The following RANBP2 variants were observed in gnomAD, a reference collection of about 807,000 sequenced individuals.
RANBP2 encodes the protein E3 SUMO-protein ligase RanBP2.
Under a neutral mutation model 303.6 loss-of-function variants are expected in RANBP2, and 57 were observed. That is an observed-to-expected ratio of 0.19 (90% CI 0.15 to 0.23). The LOEUF (loss-of-function observed/expected upper bound fraction) is 0.23. Ranked by LOEUF, RANBP2 falls within the 10% of genes least tolerant of loss-of-function variation. The pLI, the probability that RANBP2 is intolerant of heterozygous loss-of-function variation, is 1.00. For synonymous variants in RANBP2, 1,167 were observed against 1,301.5 expected (o/e 0.90, Z 2.23); for missense variants, 3,138 against 3,780.8 (o/e 0.83, Z 4.46).
At chr2:109,675,100 CT>C in the RANBP2 span, among the ~76,000 whole-genome samples, 1 of 152,142 alleles carries the variant, frequency 6.6e-6, no homozygotes, top group African/African-American at 2.4e-5. Context: ...TCCCAGTAAG[CT>C]CGACCACAGG....
the RANBP2 span, among the ~76,000 whole-genome samples, chr2:109,233,311 G>A: frequency 2.0e-5 from 3 of 152,196 alleles, no homozygotes; most frequent in African/African-American, 4.8e-5. Context: ...CTCTCAGTGG[G>A]TTGGGGACCT....
At chr2:109,359,846 A>G in the RANBP2 span, among the ~76,000 whole-genome samples, 1 of 152,174 alleles carries the variant, frequency 6.6e-6, no homozygotes, top group African/African-American at 2.4e-5. Context: ...AGATTCCCCC[A>G]TGCAAGCACA....
chr2:109,021,617 G>A, the RANBP2 span, among the ~76,000 whole-genome samples: 3 of 151,942 alleles, frequency 2.0e-5, no homozygotes, highest in Non-Finnish European at 4.4e-5. Context: ...GAGGGGTCTG[G>A]GGAGAAGACG....
chr2:109,031,550 G>C, the RANBP2 span, among the ~76,000 whole-genome samples: 2 of 152,222 alleles, frequency 1.3e-5, no homozygotes, highest in Admixed American at 6.5e-5. Context: ...GCTGCACCGA[G>C]TCCGCGGGTC....
the RANBP2 span, among the ~76,000 whole-genome samples, chr2:109,134,631 G>C: frequency 6.6e-6 from 1 of 152,176 alleles, no homozygotes; most frequent in Non-Finnish European, 1.5e-5. Context: ...GGAAATTAAG[G>C]CTCCAGAATT....
At chr2:109,501,560 A>G in the RANBP2 span, 1 of 779,840 alleles carries the variant, frequency 1.3e-6, no homozygotes, top group South Asian at 1.3e-5. Flanking sequence ...AGCTGAAGGA[A>G]GGCGACATCG....
the RANBP2 span, among the ~76,000 whole-genome samples, chr2:109,211,450 G>C: frequency 6.6e-6 from 1 of 152,240 alleles, no homozygotes; most frequent in Non-Finnish European, 1.5e-5. Flanking sequence ...GGAAGGAGTA[G>C]GGGCCGTGTC....
the RANBP2 span, among the ~76,000 whole-genome samples, chr2:109,001,792 G>A: frequency 8.5e-5 from 13 of 152,174 alleles, no homozygotes; most frequent in African/African-American, 3.1e-4. Flanking sequence ...GTGCAGAGGC[G>A]CAATCTCGGC....
At chr2:108,919,642 G>A in the RANBP2 span, among the ~76,000 whole-genome samples, 2 of 152,206 alleles carry the variant, frequency 1.3e-5, no homozygotes, top group African/African-American at 4.8e-5. Context: ...TCAGGTGTGA[G>A]CCACTGCGCC....
chr2:109,381,811 TG>T, the RANBP2 span, among the ~76,000 whole-genome samples: 2 of 152,142 alleles, frequency 1.3e-5, no homozygotes, highest in Non-Finnish European at 2.9e-5. Context: ...TCGCAGGGTC[TG>T]TGTTACATAG....
chr2:109,702,229 C>A, the RANBP2 span, among the ~76,000 whole-genome samples: 2 of 152,150 alleles, frequency 1.3e-5, no homozygotes, highest in South Asian at 4.1e-4. Flanking sequence ...AAGAGTGGAA[C>A]TTGGGATGTG....
the RANBP2 span, among the ~76,000 whole-genome samples, chr2:108,905,817 G>T: frequency 2.0e-5 from 3 of 151,718 alleles, no homozygotes; most frequent in African/African-American, 7.3e-5. Flanking sequence ...TCAAGCCCAG[G>T]TTATGGGGAG....
the RANBP2 span, among the ~76,000 whole-genome samples, chr2:109,210,806 T>C: frequency 5.9e-5 from 9 of 152,348 alleles, no homozygotes; most frequent in East Asian, 1.7e-3. Flanking sequence ...TTCTAAAGCA[T>C]GAGTCACTAC....
At chr2:109,407,438 C>T in the RANBP2 span, among the ~76,000 whole-genome samples, 1 of 152,198 alleles carries the variant, frequency 6.6e-6, no homozygotes, top group Admixed American at 6.5e-5. Flanking sequence ...TATGCAGCTT[C>T]CTGTGTTGGC....
chr2:109,012,441 C>T, the RANBP2 span, among the ~76,000 whole-genome samples: 2 of 152,172 alleles, frequency 1.3e-5, no homozygotes, highest in Non-Finnish European at 2.9e-5. Flanking sequence ...TCTCCTCCCA[C>T]GCTCCTTTTC....
chr2:109,128,958 C>A, the RANBP2 span: 6 of 417,028 alleles, frequency 1.4e-5, no homozygotes, highest in East Asian at 5.9e-4. Context: ...CCGCAGTGAC[C>A]GTGACCTCCG....
the RANBP2 span, among the ~76,000 whole-genome samples, chr2:109,504,989 C>G: frequency 1.3e-5 from 2 of 152,338 alleles, no homozygotes; most frequent in South Asian, 4.1e-4. Flanking sequence ...CTGTAGATGA[C>G]TCGCCTCCTT....
At chr2:108,844,438 T>C in the RANBP2 span, among the ~76,000 whole-genome samples, 1 of 152,228 alleles carries the variant, frequency 6.6e-6, no homozygotes, top group Admixed American at 6.5e-5. Flanking sequence ...TTTCTGTGTC[T>C]TCGATGAGAT....
chr2:109,474,161 A>G, the RANBP2 span, among the ~76,000 whole-genome samples: 1 of 152,136 alleles, frequency 6.6e-6, no homozygotes, highest in Non-Finnish European at 1.5e-5. Context: ...GCTTGGCCGC[A>G]CCTGCGTAAG....
Sources: gnomAD v4.1 joint callset for allele counts (sites outside exome capture counted in the v4.1 genomes callset) on GRCh38, gnomAD v4.1.1 for gene constraint, MANE v1.5 for transcripts, NCBI Gene and HGNC (gene_info 2026-07-23, HGNC 2026-07-21) for gene names.